Variants in POMT1 observed in about 807,000 individuals in gnomAD.
POMT1 encodes protein O-mannosyltransferase 1.
A neutral mutation model predicts 101.6 loss-of-function variants in POMT1; 85 were observed. The ratio of observed to expected loss-of-function variants is 0.84; its 90% CI spans 0.70 to 1.00. The LOEUF is 1.00. Ranked by LOEUF, POMT1 falls within the 50% of genes least tolerant of loss-of-function variation. The pLI is 0.00. For missense variants in POMT1, 857 were observed against 930.4 expected (o/e 0.92, Z 1.03); for synonymous variants, 371 against 383.0 (o/e 0.97, Z 0.37).
intron 5 of POMT1, among the ~76,000 whole-genome samples, chr9:131,508,567 C>T (rs1490178024): frequency 1.3e-5 from 2 of 152,032 alleles, no homozygotes; most frequent in Non-Finnish European, 2.9e-5. Context: ...GGTGTGGTGG[C>T]ATGCGCCTAT....
chr9:131,512,767 A>C (rs1947404493), intron 11 of POMT1, among the ~76,000 whole-genome samples: 1 of 151,908 alleles, frequency 6.6e-6, no homozygotes, highest in African/African-American at 2.4e-5. Flanking sequence ...GCCCACCACC[A>C]CATCCTGGTA....
chr9:131,520,788 A>G lies in POMT1; in HGVS notation c.1699-558A>G, dbSNP rs1447129670. Among the ~76,000 whole-genome samples, 7 of 152,262 alleles carry G rather than the reference A, an allele frequency of 4.6e-5. No homozygotes were observed. In the East Asian group the frequency reaches 9.6e-4, roughly 21 times the overall value. Reference sequence around the variant, plus strand: ...TTACAAAGTGGAGTCATCTGCTCCCAATTTTCAGTTTCCAATTACAAAATT... The same window carrying G: ...TTACAAAGTGGAGTCATCTGCTCCCGATTTTCAGTTTCCAATTACAAAATT... On this transcript the variant is annotated intron_variant, in intron 17 of 19. Coordinates refer to ENST00000402686, the MANE Select transcript of POMT1 (RefSeq NM_001077365.2).
chr9:131,518,633 C>G (rs376097707), intron 14 of POMT1, 96 bp downstream of exon 14: 1 of 1,405,758 alleles, frequency 7.1e-7, no homozygotes. Context: ...GCAGGCGGAA[C>G]GCTTCATTTG....
rs1950209859 is a variant in POMT1, at chr9:131,522,778, T to C, written c.2004-154T>C. ...CCTCTCAGTGCATCCAGGTGGGAGA[T>C]GGTCATGGGTGGCAGGAGACAAGAC... is the stretch of plus-strand genomic sequence containing the variant. On this transcript the variant is annotated intron_variant, in intron 19 of 19. Transcript: ENST00000402686. This position sits in a 1 kb window ranked among gnomAD's most constrained non-coding sequence, Gnocchi z 5.5. Among the ~76,000 whole-genome samples, 1 of 151,724 alleles carries C rather than the reference T, an allele frequency of 6.6e-6. No individual in the cohort carries two copies. The highest frequency in any genetic ancestry group is 6.6e-5 in the Admixed American group (1 of 15,228).
chr9:131,505,312 T>TTC (rs1945546867), intron 2 of POMT1, among the ~76,000 whole-genome samples: 1 of 151,396 alleles, frequency 6.6e-6, no homozygotes, highest in Admixed American at 6.6e-5. Context: ...TTTTTTTTTT[T>TTC]TGGAGACATA....
rs1405709528 is a variant in POMT1 at position 131,523,383 on chromosome 9, T to C, written c.*277T>C. 8.4e-6 allele frequency: 4 copies of C among 477,612 alleles called. No homozygotes were observed. The East Asian group carries it at 1.6e-4, about 20-fold the overall frequency. The allele number at this position is 477,612 out of a possible 1,614,324, so 29.6% of individuals were successfully genotyped here. ...ATTTCAGAGGCCAGCGTAGGAGTCA[T>C]TGACAACAAAAAGCCGAGAACCCAG... is the stretch of plus-strand genomic sequence containing the variant. On this transcript the variant is annotated 3_prime_UTR_variant, in exon 20 of 20. Coordinates refer to ENST00000402686, the MANE Select transcript of POMT1 (RefSeq NM_001077365.2).
chr9:131,507,036 C>T (rs756197804), intron 4 of POMT1, among the ~76,000 whole-genome samples: 26 of 150,834 alleles, frequency 1.7e-4, no homozygotes, highest in Non-Finnish European at 2.7e-4. Context: ...CACTGCACTC[C>T]GGCCTGGGGG....
In POMT1 at chr9:131,503,988, C is replaced by T. The variant is rs1291780658; in HGVS notation, c.-30-201C>T. ...GAGTGAATGTCCAGTCCTGAGATCC[C>T]CTGAATTCCCACCCGAGTTCACTGC... On this transcript the variant is annotated intron_variant, in intron 1 of 19. Coordinates refer to ENST00000402686, the MANE Select transcript of POMT1 (RefSeq NM_001077365.2). This position sits in a 1 kb window ranked among gnomAD's most constrained non-coding sequence, Gnocchi z 4.4. Among the ~76,000 whole-genome samples, 1 of 152,152 alleles carries T rather than the reference C, an allele frequency of 6.6e-6. No individual in the cohort carries two copies. The highest frequency in any genetic ancestry group is 2.4e-5 in the African/African-American group (1 of 41,434).
rs1209556725 is a variant in POMT1, at chr9:131,522,866, G to C, written c.2004-66G>C. On this transcript the variant is annotated intron_variant, in intron 19 of 19. Coordinates refer to ENST00000402686, the MANE Select transcript of POMT1 (RefSeq NM_001077365.2). The surrounding 1 kb of genome is among the most constrained non-coding windows in gnomAD (Gnocchi z 5.5). ...TGACCGTGTGGACAGCAGATGCCAA[G>C]AGGGTGCCGGGCAGGGAAGCCGCAG... The C allele has an allele frequency of 2.7e-6, 4 of 1,485,916 alleles. No homozygotes were observed. The highest frequency in any genetic ancestry group is 1.4e-5 in the African/African-American group (1 of 71,942). The allele number at this position is 1,485,916 out of a possible 1,614,324, so 92.0% of individuals were successfully genotyped here. A position where few individuals can be genotyped will look rare whatever the true frequency, so the allele number is the denominator to read the frequency against.
chr9:131,522,389 A>C lies in POMT1; in HGVS notation c.2003+165A>C. ...GGTGAGGTTCAGAAGAGATGCCCAGATGAGGCACTGCAGGAACCCAGAGGG... is the reference window on the plus strand; with the variant it reads ...GGTGAGGTTCAGAAGAGATGCCCAGCTGAGGCACTGCAGGAACCCAGAGGG... On this transcript the variant is annotated intron_variant, in intron 19 of 19. Transcript: ENST00000402686. The surrounding 1 kb of genome is among the most constrained non-coding windows in gnomAD (Gnocchi z 5.5). 1.5e-6 allele frequency: 2 copies of C among 1,378,064 alleles called. No homozygotes were observed. Among genetic ancestry groups the C allele is most frequent in the Non-Finnish European group, 9.7e-7 (1 of 1,028,560 alleles). 85.4% of individuals were successfully genotyped at this position (1,378,064 alleles called of 1,614,324 possible).
rs779321311 is a variant in POMT1, at chr9:131,521,449, G to C, written c.1802G>C (p.Arg601Thr). 3.1e-6 allele frequency: 5 copies of C among 1,613,976 alleles called. No individual in the cohort carries two copies. The South Asian group carries it at 5.5e-5, about 18-fold the overall frequency. The change falls in exon 18 of 20, where the codon AGA becomes ACA. Residue 601 changes from arginine to threonine, a missense_variant. Transcript: ENST00000402686. ...TTGTGGTACCTGCTCCGACGGCGAAGAAATGTCCATGACCTCCCTCAGGGT... is the reference window on the plus strand; with the variant it reads ...TTGTGGTACCTGCTCCGACGGCGAACAAATGTCCATGACCTCCCTCAGGGT... ...LSLWYLLRRR[R>T]NVHDLPQDAW...
At chr9:131,517,526 C>T (rs1264685566) in intron 13 of POMT1, among the ~76,000 whole-genome samples, 8 of 152,172 alleles carry the variant, frequency 5.3e-5, no homozygotes, top group Non-Finnish European at 1.2e-4. Context: ...CGTCCTCTTA[C>T]CTCAGCCTCC....
At chr9:131,512,194 G>A in intron 11 of POMT1, 58 bp downstream of exon 11, 1 of 1,594,118 alleles carries the variant, frequency 6.3e-7, no homozygotes, top group Non-Finnish European at 8.5e-7. Context: ...GGCCAGGCGA[G>A]ACCCTGGGAT....
intron 13 of POMT1, among the ~76,000 whole-genome samples, chr9:131,516,248 CTT>C (rs1312372892): frequency 1.1e-4 from 17 of 152,056 alleles, no homozygotes; most frequent in African/African-American, 4.1e-4. Flanking sequence ...ACACGGAACA[CTT>C]CCTCACACGG....
rs757666938 is a variant in POMT1, at chr9:131,518,825, C to T, written c.1366-12C>T. The stretch of plus-strand genomic sequence containing the variant: ...TCCCATCACGCCCTTTACTCTCCTG[C>T]GGTGTCACCAGCTGAGCGGGGCTCA... On this transcript the variant is annotated splice_polypyrimidine_tract_variant and intron_variant, in intron 14 of 19. Transcript: ENST00000402686. The T allele has an allele frequency of 1.3e-5, 21 of 1,613,820 alleles. No individual in the cohort carries two copies. Among genetic ancestry groups the T allele is most frequent in the East Asian group, 6.7e-5 (3 of 44,900 alleles).
In POMT1 at chr9:131,523,751, T is replaced by C. The variant is rs911894224; in HGVS notation, c.*645T>C. On this transcript the variant is annotated 3_prime_UTR_variant, in exon 20 of 20. Coordinates refer to ENST00000402686, the MANE Select transcript of POMT1 (RefSeq NM_001077365.2). ...GGTCAAGGTGTGTCATCCATACAGC[T>C]CCATGCCTTTGTCTTTTTTAAATGT... 1 of 154,022 alleles carries C rather than the reference T, an allele frequency of 6.5e-6. No homozygotes were observed. Among genetic ancestry groups the C allele is most frequent in the African/African-American group, 2.4e-5 (1 of 41,466 alleles). The allele number at this position is 154,022 out of a possible 1,614,324, so 9.5% of individuals were successfully genotyped here.
In POMT1 at chr9:131,522,868, G is replaced by T. The variant is rs139862946; in HGVS notation, c.2004-64G>T. ...ACCGTGTGGACAGCAGATGCCAAGA[G>T]GGTGCCGGGCAGGGAAGCCGCAGTG... On this transcript the variant is annotated intron_variant, in intron 19 of 19. Transcript: ENST00000402686. This position sits in a 1 kb window ranked among gnomAD's most constrained non-coding sequence, Gnocchi z 5.5. 8.3e-4 allele frequency: 1,234 copies of T among 1,489,280 alleles called. 17 individuals carry two copies. The African/African-American group carries it at 0.015, about 18-fold the overall frequency. 92.3% of individuals were successfully genotyped at this position (1,489,280 alleles called of 1,614,324 possible). A position where few individuals can be genotyped will look rare whatever the true frequency, so the allele number is the denominator to read the frequency against.
chr9:131,510,207 T>C, intron 8 of POMT1, 53 bp from the exon 9 acceptor site: 1 of 1,613,106 alleles, frequency 6.2e-7, no homozygotes, highest in Non-Finnish European at 8.5e-7. Flanking sequence ...TGTCTAGAGG[T>C]GGGTACGCTT....
intron 13 of POMT1, among the ~76,000 whole-genome samples, chr9:131,516,083 AGCACTTC>A (rs1948458130): frequency 8.1e-6 from 1 of 123,928 alleles, no homozygotes; most frequent in Non-Finnish European, 1.7e-5. Context: ...CCTCACACGG[AGCACTTC>A]CTCACATGGA....
Sources: gnomAD v4.1 joint callset for allele counts (sites outside exome capture counted in the v4.1 genomes callset) on GRCh38, gnomAD v4.1.1 for gene constraint, Gnocchi (gnomAD v3.1) non-coding constraint, MANE v1.5 for transcripts, NCBI Gene and HGNC (gene_info 2026-07-23, HGNC 2026-07-21) for gene names.